TNIK: variants seen among roughly 807,000 people sequenced by gnomAD.
The protein encoded by TNIK is TRAF2 and NCK-interacting protein kinase.
A neutral mutation model predicts 191.3 loss-of-function variants in TNIK; 49 were observed. That is an observed-to-expected ratio of 0.26 (90% confidence interval 0.20 to 0.32). The LOEUF is 0.32. Among genes scored for constraint, TNIK ranks in the 10% least tolerant of loss-of-function variants. TNIK has a pLI of 1.00. For missense variants in TNIK, 1,155 were observed against 1,702.3 expected (o/e 0.68, Z 5.66); for synonymous variants, 594 against 600.9 (o/e 0.99, Z 0.17).
At chr3:171,118,586 C>G (rs1256968899) in intron 18 of TNIK, among the ~76,000 whole-genome samples, 2 of 152,126 alleles carry the variant, frequency 1.3e-5, no homozygotes, top group Non-Finnish European at 2.9e-5. Context: ...GGTACCAAAA[C>G]AGAGATATAG....
chr3:171,125,320 A>C (rs1728321497), intron 17 of TNIK, among the ~76,000 whole-genome samples: 1 of 152,236 alleles, frequency 6.6e-6, no homozygotes, highest in Non-Finnish European at 1.5e-5. Flanking sequence ...AAAAGAACCC[A>C]AACTCAGGGC....
At chr3:171,322,169 CA>C (rs1351429978) in intron 2 of TNIK, among the ~76,000 whole-genome samples, 12 of 152,074 alleles carry the variant, frequency 7.9e-5, no homozygotes, top group African/African-American at 2.4e-4. Context: ...AGGGATTTTC[CA>C]AAAGCTGTAT....
chr3:171,338,826 G>C (rs1445847860), intron 2 of TNIK, among the ~76,000 whole-genome samples: 1 of 151,944 alleles, frequency 6.6e-6, no homozygotes, highest in South Asian at 2.1e-4. Context: ...TCTCTTTATA[G>C]GAATTGCCTA....
chr3:171,218,556 C>G (rs537487356), intron 3 of TNIK, among the ~76,000 whole-genome samples: 2 of 146,540 alleles, frequency 1.4e-5, no homozygotes, highest in Non-Finnish European at 3.0e-5. Flanking sequence ...ATAGTATAAA[C>G]AGTGTACTTT....
At chr3:171,067,151 C>T (rs928383830) in intron 30 of TNIK, among the ~76,000 whole-genome samples, 10 of 152,000 alleles carry the variant, frequency 6.6e-5, no homozygotes, top group South Asian at 2.1e-4. Flanking sequence ...ATCTTGCTGA[C>T]GTTGAAATTA....
chr3:171,236,117 G>C (rs1286020529), intron 2 of TNIK, among the ~76,000 whole-genome samples: 1 of 150,708 alleles, frequency 6.6e-6, no homozygotes, highest in South Asian at 2.1e-4. Context: ...CTCTAACATT[G>C]CCTGGGACAG....
chr3:171,206,752 T>C (rs1264854708), intron 4 of TNIK, among the ~76,000 whole-genome samples: 1 of 152,154 alleles, frequency 6.6e-6, no homozygotes, highest in East Asian at 1.9e-4. Context: ...TCATGACTAA[T>C]TCTTCTTCCA....
intron 2 of TNIK, among the ~76,000 whole-genome samples, chr3:171,304,912 G>A (rs988986901): frequency 6.6e-6 from 1 of 151,156 alleles, no homozygotes. Flanking sequence ...AATGCTAAAC[G>A]ACAAGTTAAT....
chr3:171,087,954 G>T (rs1042867720), intron 23 of TNIK, among the ~76,000 whole-genome samples: 3 of 152,214 alleles, frequency 2.0e-5, no homozygotes, highest in Middle Eastern at 3.2e-3. Flanking sequence ...GAAGCAGTGT[G>T]TGTGGAGTAC....
intron 2 of TNIK, among the ~76,000 whole-genome samples, chr3:171,263,759 G>T (rs1747982985): frequency 6.6e-6 from 1 of 151,884 alleles, no homozygotes; most frequent in Admixed American, 6.6e-5. Context: ...TGGGAGGCCA[G>T]CCAGGTAAGG....
chr3:171,168,148 A>G (rs530500577), intron 9 of TNIK, among the ~76,000 whole-genome samples: 1 of 152,356 alleles, frequency 6.6e-6, no homozygotes, highest in Admixed American at 6.5e-5. Context: ...GGTGGACTTC[A>G]GCCGTGATTC....
intron 2 of TNIK, 29 bp downstream of exon 2, chr3:171,369,591 T>C (rs753077897): frequency 4.5e-6 from 7 of 1,552,052 alleles, no homozygotes; most frequent in East Asian, 4.8e-5. Context: ...AAACCGTACA[T>C]AAGCCACTCT....
chr3:171,297,450 A>C (rs763330544), intron 2 of TNIK, among the ~76,000 whole-genome samples: 1 of 152,196 alleles, frequency 6.6e-6, no homozygotes, highest in African/African-American at 2.4e-5. Flanking sequence ...CCCTCAAGTG[A>C]TATTAATAAA....
chr3:171,083,170 G>A (rs191392753), intron 26 of TNIK, among the ~76,000 whole-genome samples: 6 of 152,278 alleles, frequency 3.9e-5, no homozygotes, highest in Non-Finnish European at 5.9e-5. Flanking sequence ...GGCTCATTGT[G>A]CAGTGTACTT....
chr3:171,216,836 G>C (rs1021930919), intron 3 of TNIK, among the ~76,000 whole-genome samples: 4 of 151,960 alleles, frequency 2.6e-5, no homozygotes, highest in Non-Finnish European at 4.4e-5. Context: ...TAAATAATTA[G>C]ATGTAATAAA....
intron 2 of TNIK, among the ~76,000 whole-genome samples, chr3:171,289,418 T>C (rs1174786245): frequency 1.3e-5 from 2 of 152,222 alleles, no homozygotes; most frequent in Non-Finnish European, 2.9e-5. Flanking sequence ...CTCCTGTAAA[T>C]GTCACTACTG....
chr3:171,128,792 G>A lies in TNIK; in HGVS notation c.1695C>T (p.Pro565=). ...TAATGCTGAAGGACTCCGACCTTGG[G>A]GGCAGGTTGGGGTCAGATATCCTGT... ...VANRISDPNL[P]PRSESFSISG... Residue 565 remains proline, a synonymous_variant, in exon 16 of 33, where the codon CCC becomes CCT. Transcript: ENST00000436636. 2 of 1,610,930 alleles carry A rather than the reference G, an allele frequency of 1.2e-6. No homozygotes were observed. Among genetic ancestry groups the A allele is most frequent in the East Asian group, 2.2e-5 (1 of 44,822 alleles).
At chr3:171,361,489 G>A (rs922579422) in intron 2 of TNIK, among the ~76,000 whole-genome samples, 3 of 152,124 alleles carry the variant, frequency 2.0e-5, no homozygotes, top group African/African-American at 7.2e-5. Flanking sequence ...CATAGCACAA[G>A]GTGGCATGGT....
intron 1 of TNIK, among the ~76,000 whole-genome samples, chr3:171,386,602 A>G (rs895425207): frequency 5.8e-4 from 89 of 152,326 alleles, no homozygotes; most frequent in African/African-American, 2.1e-3. Flanking sequence ...TTCAAACACA[A>G]TAAATGCTTC....
Sources: gnomAD v4.1 joint callset for allele counts (sites outside exome capture counted in the v4.1 genomes callset) on GRCh38, gnomAD v4.1.1 for gene constraint, MANE v1.5 for transcripts, NCBI Gene and HGNC (gene_info 2026-07-23, HGNC 2026-07-21) for gene names.